The following MAST4 variants were observed in gnomAD, a reference collection of about 807,000 sequenced individuals.
The protein encoded by MAST4 is microtubule associated serine/threonine kinase family member 4, also known as microtubule-associated serine/threonine-protein kinase 4.
Under a neutral mutation model 162.7 loss-of-function variants are expected in MAST4, and 89 were observed. That is an observed-to-expected ratio of 0.55 (90% confidence interval 0.46 to 0.65). The LOEUF (loss-of-function observed/expected upper bound fraction) is 0.65, where lower values mean the gene tolerates loss of function less well. Among genes scored for constraint, MAST4 ranks in the 30% least tolerant of loss-of-function variants. The pLI is 0.00. For synonymous variants in MAST4, 1,479 were observed against 1,361.1 expected, an observed-to-expected ratio of 1.09 and a Z score of -1.91; for missense variants, 3,153 against 3,374.0, an observed-to-expected ratio of 0.93 and a Z score of 1.62.
In MAST4 at chr5:67,134,661, G is replaced by C. The variant is rs1275010582; in HGVS notation, c.2365G>C (p.Glu789Gln). The C allele has an allele frequency of 6.2e-7, 1 of 1,613,590 alleles. No individual in the cohort carries two copies. The highest frequency in any genetic ancestry group is 8.5e-7 in the Non-Finnish European group (1 of 1,179,620). The change falls in exon 18 of 29, where the codon GAG becomes CAG. Residue 789 changes from glutamate to glutamine, a missense_variant. Glu to Gln is a conservative substitution (Grantham distance 29). This residue lies in a region of MAST4 where 131 missense variants were observed against 253.8 expected (regional missense o/e 0.52). Coordinates refer to ENST00000403625, the MANE Select transcript of MAST4 (RefSeq NM_001164664.2). ...GCVPFFGDTPEELFGQVISDE... is the reference protein window; with the variant it reads ...GCVPFFGDTPQELFGQVISDE... ...CGTGCCATTCTTTGGGGATACTCCA[G>C]AGGAGCTATTTGGACAAGTCATCAG...
At chr5:66,750,964 G>A (rs1170042343) in intron 1 of MAST4, among the ~76,000 whole-genome samples, 2 of 152,228 alleles carry the variant, frequency 1.3e-5, no homozygotes, top group East Asian at 3.9e-4. Flanking sequence ...CAGGCAGACT[G>A]CCTTCTCAAG....
chr5:66,914,467 T>G (rs1355194549), intron 4 of MAST4, among the ~76,000 whole-genome samples: 9 of 152,116 alleles, frequency 5.9e-5, no homozygotes, highest in Admixed American at 5.2e-4. Context: ...AAGTAATGAT[T>G]TGAAGCTGAA....
intron 4 of MAST4, among the ~76,000 whole-genome samples, chr5:67,029,134 A>T (rs975005827): frequency 1.6e-4 from 14 of 85,412 alleles, no homozygotes; most frequent in East Asian, 6.1e-4. Context: ...ACACTCTCTC[A>T]AAAAAAAAAA....
intron 3 of MAST4, among the ~76,000 whole-genome samples, chr5:66,808,416 T>C (rs961963637): frequency 2.2e-4 from 34 of 152,210 alleles, no homozygotes; most frequent in African/African-American, 8.2e-4. Flanking sequence ...ATAGCCCCTA[T>C]TAACTAAATT....
intron 3 of MAST4, among the ~76,000 whole-genome samples, chr5:66,878,267 C>T (rs1028158301): frequency 3.3e-5 from 5 of 152,218 alleles, no homozygotes; most frequent in Non-Finnish European, 7.3e-5. Flanking sequence ...CTGTGGGCCA[C>T]GTTTGCCAGT....
intron 4 of MAST4, among the ~76,000 whole-genome samples, chr5:66,953,986 G>C (rs1006230462): frequency 1.3e-5 from 2 of 152,116 alleles, no homozygotes; most frequent in Non-Finnish European, 2.9e-5. Context: ...GCATAGAAGA[G>C]ATCTAGCCTT....
At chr5:66,833,987 T>C (rs9918275) in intron 3 of MAST4, among the ~76,000 whole-genome samples, 37,545 of 152,034 alleles carry the variant, frequency 0.25, 5,731 homozygotes, top group Non-Finnish European at 0.35. Flanking sequence ...CATTTAAAGA[T>C]TGAAGGAGAT....
intron 14 of MAST4, among the ~76,000 whole-genome samples, chr5:67,126,203 A>C (rs1768209309): frequency 6.6e-6 from 1 of 151,886 alleles, no homozygotes. Flanking sequence ...TTGCGTGTTC[A>C]CTCTCATGAT....
At chr5:66,799,279 C>T (rs1755801870) in intron 3 of MAST4, among the ~76,000 whole-genome samples, 1 of 152,192 alleles carries the variant, frequency 6.6e-6, no homozygotes, top group Non-Finnish European at 1.5e-5. Context: ...ACTGCCTCTT[C>T]CTTGCCCTCT....
intron 14 of MAST4, among the ~76,000 whole-genome samples, chr5:67,123,649 G>T (rs1353888194): frequency 1.3e-5 from 2 of 152,192 alleles, no homozygotes; most frequent in East Asian, 1.9e-4. Flanking sequence ...AATTGGAGTT[G>T]TAGAGGTCCT....
intron 6 of MAST4, among the ~76,000 whole-genome samples, chr5:67,091,221 C>T (rs1763831666): frequency 6.6e-6 from 1 of 152,138 alleles, no homozygotes; most frequent in Non-Finnish European, 1.5e-5. Context: ...ATGCATTTTA[C>T]GTTACTAAGT....
intron 4 of MAST4, among the ~76,000 whole-genome samples, chr5:67,016,809 T>C (rs1361113432): frequency 6.6e-6 from 1 of 152,128 alleles, no homozygotes; most frequent in Non-Finnish European, 1.5e-5. Context: ...ATCCTGCACA[T>C]TCACATAAGT....
chr5:66,639,860 G>A (rs936978550), intron 1 of MAST4, among the ~76,000 whole-genome samples: 7 of 151,918 alleles, frequency 4.6e-5, no homozygotes, highest in East Asian at 1.9e-4. Context: ...AGCACATGAC[G>A]TGTTTTTATA....
intron 2 of MAST4, 63 bp from the exon 3 acceptor site, chr5:66,788,607 C>CCAAGCCAAAAAAAAA: frequency 7.3e-7 from 1 of 1,373,726 alleles, no homozygotes; most frequent in Non-Finnish European, 1.0e-6. Flanking sequence ...CCCCCACCCC[C>CCAAGCCAAAAAAAAA]ATTGCAATAA....
At chr5:67,005,018 T>G (rs1395427374) in intron 4 of MAST4, 6 of 774,914 alleles carry the variant, frequency 7.7e-6, no homozygotes, top group Non-Finnish European at 1.4e-5. Flanking sequence ...CCCCAATTTT[T>G]GGACTGTGCT....
chr5:66,652,884 C>T (rs1331946292), intron 1 of MAST4, among the ~76,000 whole-genome samples: 1 of 152,148 alleles, frequency 6.6e-6, no homozygotes, highest in Non-Finnish European at 1.5e-5. Context: ...ATTGCTTCTC[C>T]CCACTAAGTA....
intron 3 of MAST4, among the ~76,000 whole-genome samples, chr5:66,818,170 C>A (rs1277252817): frequency 6.6e-6 from 1 of 152,046 alleles, no homozygotes; most frequent in African/African-American, 2.4e-5. Flanking sequence ...TTAGGGTGTT[C>A]TTGTATCTTC....
chr5:67,024,358 T>C (rs931909805), intron 4 of MAST4, among the ~76,000 whole-genome samples: 37 of 139,734 alleles, frequency 2.6e-4, no homozygotes, highest in South Asian at 2.4e-3. Flanking sequence ...CACACATACA[T>C]ATAGATAGCT....
chr5:66,995,125 A>C (rs60022396), intron 4 of MAST4, among the ~76,000 whole-genome samples: 2,662 of 151,390 alleles, frequency 0.018, 89 homozygotes, highest in African/African-American at 0.061. Flanking sequence ...GATATTTTTC[A>C]TTTTTATATT....
Sources: gnomAD v4.1 joint callset for allele counts (sites outside exome capture counted in the v4.1 genomes callset) on GRCh38, gnomAD v4.1.1 for gene constraint, gnomAD v4.1.1 regional missense constraint, MANE v1.5 for transcripts, NCBI Gene and HGNC (gene_info 2026-07-23, HGNC 2026-07-21) for gene names.